Variants in LCOR observed in about 807,000 individuals in gnomAD.
LCOR encodes ligand-dependent corepressor.
Under a neutral mutation model 64.4 loss-of-function variants are expected in LCOR, and 14 were observed. That is an observed-to-expected ratio of 0.22 (90% CI 0.14 to 0.34). The LOEUF (loss-of-function observed/expected upper bound fraction) is 0.34. Among genes scored for constraint, LCOR ranks in the 10% least tolerant of loss-of-function variants. The pLI, the probability that LCOR is intolerant of heterozygous loss-of-function variation, is 1.00. For synonymous variants in LCOR, 643 were observed against 642.5 expected, an observed-to-expected ratio of 1.00 and a Z score of -0.01; for missense variants, 1,686 against 1,765.3, an observed-to-expected ratio of 0.96 and a Z score of 0.80.
intron 7 of LCOR, among the ~76,000 whole-genome samples, chr10:96,973,117 C>T (rs1848012234): frequency 6.6e-6 from 1 of 152,160 alleles, no homozygotes; most frequent in East Asian, 1.9e-4. Context: ...TAGGTTCTAT[C>T]TACATCCAAA....
At chr10:96,963,191 TG>T (rs1386485172) in intron 7 of LCOR, 1 of 151,922 alleles carries the variant, frequency 6.6e-6, no homozygotes, top group Admixed American at 6.5e-5. Context: ...GCAGATAATA[TG>T]GGGGTTCCTG....
At chr10:96,837,775 A>G (rs548231999) in intron 2 of LCOR, among the ~76,000 whole-genome samples, 254 of 152,318 alleles carry the variant, frequency 1.7e-3, no homozygotes, top group Non-Finnish European at 2.6e-3. Context: ...TTAAAGGTAT[A>G]TGTTAAATAA....
At chr10:96,877,553 T>A (rs917540403) in intron 2 of LCOR, among the ~76,000 whole-genome samples, 3 of 151,248 alleles carry the variant, frequency 2.0e-5, no homozygotes, top group African/African-American at 7.3e-5. Flanking sequence ...AAATAACTTA[T>A]TGATCATCTT....
chr10:96,939,701 C>A (rs950858516), intron 4 of LCOR, among the ~76,000 whole-genome samples: 1 of 152,220 alleles, frequency 6.6e-6, no homozygotes, highest in Non-Finnish European at 1.5e-5. Flanking sequence ...GCGGGGCCCA[C>A]GCCTGTAATC....
intron 4 of LCOR, among the ~76,000 whole-genome samples, chr10:96,930,029 A>C (rs1847230659): frequency 1.3e-5 from 2 of 152,182 alleles, no homozygotes; most frequent in South Asian, 4.1e-4. Context: ...CTAATTAGGA[A>C]TCACCACTGT....
chr10:96,984,079 C>G lies in LCOR; in HGVS notation c.3619C>G (p.Pro1207Ala), dbSNP rs1848122465. 6.2e-7 allele frequency: 1 copy of G among 1,614,004 alleles called. No homozygotes were observed. Among genetic ancestry groups the G allele is most frequent in the Non-Finnish European group, 8.5e-7 (1 of 1,180,000 alleles). Reference protein sequence around the residue: ...VIVKKLNTRLPGDVPPVKHPL... With the variant: ...VIVKKLNTRLAGDVPPVKHPL... ...TGTGAAGAAGCTCAATACTCGCCTT[C>G]CAGGAGACGTTCCCCCTGTCAAGCA... Residue 1207 changes from proline to alanine, a missense_variant, in exon 8 of 8, where the codon CCA (proline) becomes GCA (alanine). Transcript: ENST00000421806.
chr10:96,885,496 C>T (rs1407804376), intron 2 of LCOR, among the ~76,000 whole-genome samples: 1 of 151,906 alleles, frequency 6.6e-6, no homozygotes, highest in African/African-American at 2.4e-5. Context: ...ACCCTCCTGC[C>T]TCAGCCTCCC....
chr10:96,943,379 G>T (rs186801161), intron 4 of LCOR, among the ~76,000 whole-genome samples: 1 of 152,226 alleles, frequency 6.6e-6, no homozygotes, highest in Non-Finnish European at 1.5e-5. Flanking sequence ...TTACAGGCAT[G>T]AGCCACCTCG....
chr10:96,935,139 C>CTTTTTTTTTTTT (rs34176037), intron 4 of LCOR, among the ~76,000 whole-genome samples: 1 of 65,546 alleles, frequency 1.5e-5, no homozygotes, highest in Non-Finnish European at 2.9e-5. Flanking sequence ...GGCTATTTTA[C>CTTTTTTTTTTTT]TTTTTTTTTT....
At chr10:96,950,810 A>C (rs547465398) in intron 6 of LCOR, among the ~76,000 whole-genome samples, 31 of 152,254 alleles carry the variant, frequency 2.0e-4, no homozygotes, top group African/African-American at 7.5e-4. Flanking sequence ...CAAATTGTCT[A>C]TTTGACTTGC....
chr10:96,832,852 C>G (rs948000145), intron 1 of LCOR: 1 of 343,560 alleles, frequency 2.9e-6, no homozygotes, highest in Non-Finnish European at 4.1e-6. Flanking sequence ...CTGTGGCCGC[C>G]GCCGTCCTCC....
At chr10:96,893,688 T>C (rs1846485592) in intron 2 of LCOR, among the ~76,000 whole-genome samples, 1 of 150,156 alleles carries the variant, frequency 6.7e-6, no homozygotes, top group Non-Finnish European at 1.5e-5. Flanking sequence ...GCTTGAACCC[T>C]GGAGGTGGAG....
intron 2 of LCOR, among the ~76,000 whole-genome samples, chr10:96,875,936 G>C (rs1846156670): frequency 6.6e-6 from 1 of 151,628 alleles, no homozygotes. Context: ...CTTGCTTTCA[G>C]AGATCCCAGA....
At chr10:96,954,356 G>A (rs1408027821) in intron 7 of LCOR, among the ~76,000 whole-genome samples, 3 of 58,304 alleles carry the variant, frequency 5.1e-5, no homozygotes, top group South Asian at 7.3e-4. Context: ...ATTCCCCCCC[G>A]CCCCCCAAGC....
At chr10:96,966,088 C>A (rs1564642083) in intron 7 of LCOR, among the ~76,000 whole-genome samples, 1 of 150,868 alleles carries the variant, frequency 6.6e-6, no homozygotes, top group African/African-American at 2.4e-5. Flanking sequence ...GAAACTAATT[C>A]AGGGGGCCCT....
chr10:96,979,443 G>A (rs1051913432), intron 7 of LCOR, among the ~76,000 whole-genome samples: 2 of 152,262 alleles, frequency 1.3e-5, no homozygotes, highest in East Asian at 1.9e-4. Context: ...ATTGCCTGTG[G>A]CATGTCTTGA....
intron 2 of LCOR, among the ~76,000 whole-genome samples, chr10:96,869,933 A>T (rs1364866328): frequency 1.3e-5 from 2 of 152,150 alleles, no homozygotes; most frequent in African/African-American, 2.4e-5. Context: ...CTTCATGAGG[A>T]TGTATAGACT....
At chr10:96,969,121 A>G (rs1421133766) in intron 7 of LCOR, among the ~76,000 whole-genome samples, 1 of 152,242 alleles carries the variant, frequency 6.6e-6, no homozygotes, top group Non-Finnish European at 1.5e-5. Flanking sequence ...CAAGTGTTGT[A>G]TAAATGAAAG....
Position 96,979,829 on chromosome 10 carries a change from G to C in LCOR, c.333-964G>C, listed in dbSNP as rs573551189. 2.0e-4 allele frequency among the ~76,000 whole-genome samples: 30 copies of C among 152,310 alleles called. No individual in the cohort carries two copies. In the East Asian group the frequency reaches 5.6e-3, roughly 28 times the overall value. On this transcript the variant is annotated intron_variant, in intron 7 of 7. Transcript: ENST00000421806. ...TGCATTAGCATGACCAATTGGTCAT[G>C]CTGAGAAACTATCTTAAAACTGTTA...
Sources: gnomAD v4.1 joint callset for allele counts (sites outside exome capture counted in the v4.1 genomes callset) on GRCh38, gnomAD v4.1.1 for gene constraint, MANE v1.5 for transcripts, NCBI Gene and HGNC (gene_info 2026-07-23, HGNC 2026-07-21) for gene names.